The following AP3S2 variants were observed in gnomAD, a reference collection of about 807,000 sequenced individuals.
The protein encoded by AP3S2 is adaptor related protein complex 3 subunit sigma 2.
Under a neutral mutation model 23.4 loss-of-function variants are expected in AP3S2, and 22 were observed. The ratio of observed to expected loss-of-function variants is 0.94; its 90% confidence interval spans 0.67 to 1.34. The LOEUF (loss-of-function observed/expected upper bound fraction) is 1.34, where lower values mean the gene tolerates loss of function less well. AP3S2 is among the 40% of genes most tolerant of loss of function. The pLI is 0.00. For missense variants in AP3S2, 241 were observed against 236.9 expected, an observed-to-expected ratio of 1.02 and a Z score of -0.11; for synonymous variants, 86 against 87.1, an observed-to-expected ratio of 0.99 and a Z score of 0.07.
intron 4 of AP3S2, among the ~76,000 whole-genome samples, chr15:89,851,955 A>T (rs955349836): frequency 2.6e-5 from 4 of 152,180 alleles, no homozygotes; most frequent in African/African-American, 9.7e-5. Context: ...TTTGAATTTC[A>T]TCCTTCCTTG....
chr15:89,863,144 TA>T (rs1218006927), intron 4 of AP3S2, among the ~76,000 whole-genome samples: 1 of 151,582 alleles, frequency 6.6e-6, no homozygotes, highest in African/African-American at 2.4e-5. Context: ...ACAGAAACAA[TA>T]AAAAAGGTGA....
chr15:89,890,247 A>G (rs926034621), intron 1 of AP3S2, among the ~76,000 whole-genome samples: 1 of 151,976 alleles, frequency 6.6e-6, no homozygotes, highest in African/African-American at 2.4e-5. Flanking sequence ...ATGGGGTTTC[A>G]CCATGTTGGT....
chr15:89,881,620 TG>T (rs35244504), intron 3 of AP3S2, among the ~76,000 whole-genome samples: 35,238 of 151,980 alleles, frequency 0.23, 4,587 homozygotes, highest in South Asian at 0.33. Flanking sequence ...ACTGGACAAG[TG>T]GTTCAATTAT....
rs375634160 is a variant in AP3S2, at chr15:89,889,351, A to T, written c.70-211T>A. 11 of 562,512 alleles carry T rather than the reference A, an allele frequency of 2.0e-5. 1 individual carries two copies. The highest frequency in any genetic ancestry group is 1.3e-4 in the African/African-American group (7 of 53,124). 34.8% of individuals were successfully genotyped at this position (562,512 alleles called of 1,614,324 possible). The stretch of plus-strand genomic sequence containing the variant: ...TCTGATACAGGAATTAAGATAGGGT[A>T]TATTTACCTAAATATCTAAGTCACT... On this transcript the variant is annotated intron_variant, in intron 1 of 5. Coordinates refer to ENST00000336418, the MANE Select transcript of AP3S2 (RefSeq NM_005829.5).
rs529657704 is a variant in AP3S2, at chr15:89,846,672, G to A, written c.346-8950C>T. Among the ~76,000 whole-genome samples, 179 of 151,850 alleles carry A rather than the reference G, an allele frequency of 1.2e-3. No homozygotes were observed. In the Middle Eastern group the frequency reaches 0.014, roughly 12 times the overall value. On this transcript the variant is annotated intron_variant, in intron 4 of 5. Coordinates refer to ENST00000336418, the MANE Select transcript of AP3S2 (RefSeq NM_005829.5). ...CTCCCGAGTAGCTGGGACTACAGGCGTGTGCCACCACACCCAGCTAATTTT... is the reference window on the plus strand; with the variant it reads ...CTCCCGAGTAGCTGGGACTACAGGCATGTGCCACCACACCCAGCTAATTTT...
At chr15:89,889,012 T>C (rs1309845979) in intron 2 of AP3S2, 37 bp downstream of exon 2, 7 of 1,612,630 alleles carry the variant, frequency 4.3e-6, no homozygotes, top group African/African-American at 1.3e-5. Context: ...CACTCACAAG[T>C]GGATATATGG....
In AP3S2 at chr15:89,832,950, CATT is replaced by C. The variant is rs1400473038; in HGVS notation, c.*2562_*2564del. On this transcript the variant is annotated 3_prime_UTR_variant, in exon 6 of 6. Transcript: ENST00000336418. ...AAAAAAGTGGGCTTCAGTTTTATGTCATTGTAAGAGGCCATGTGAGGGATGTTT... is the reference window on the plus strand; with the variant it reads ...AAAAAAGTGGGCTTCAGTTTTATGTCGTAAGAGGCCATGTGAGGGATGTTT... 4 of 152,110 alleles carry C rather than the reference CATT, an allele frequency of 2.6e-5. No individual in the cohort carries two copies. The highest frequency in any genetic ancestry group is 9.7e-5 in the African/African-American group (4 of 41,406). The allele number at this position is 152,110 out of a possible 1,614,324, so 9.4% of individuals were successfully genotyped here.
At position 89,867,697 on chromosome 15, in the gene AP3S2, G is replaced by A. The variant is rs1394559931; in HGVS notation, c.345+3778C>T. Among the ~76,000 whole-genome samples the A allele has an allele frequency of 1.3e-3, 176 of 137,434 alleles. 1 individual carries two copies. The highest frequency in any genetic ancestry group is 2.3e-3 in the Non-Finnish European group (144 of 63,020). 90.2% of individuals were successfully genotyped at this position (137,434 alleles called of 152,430 possible). Reference sequence around the variant, plus strand: ...TGGGTTGTGAGGAGCGCCTCTGCCCGGCCGAGACCCCGTCTGGGAGGTAAG... The same window carrying A: ...TGGGTTGTGAGGAGCGCCTCTGCCCAGCCGAGACCCCGTCTGGGAGGTAAG... On this transcript the variant is annotated intron_variant, in intron 4 of 5. Coordinates refer to ENST00000336418, the MANE Select transcript of AP3S2 (RefSeq NM_005829.5).
chr15:89,835,363 A>T lies in AP3S2; in HGVS notation c.*152T>A. 7.4e-7 allele frequency: 1 copy of T among 1,357,198 alleles called. No homozygotes were observed. Among genetic ancestry groups the T allele is most frequent in the South Asian group, 1.4e-5 (1 of 70,126 alleles). 84.1% of individuals were successfully genotyped at this position (1,357,198 alleles called of 1,614,324 possible). Reference sequence around the variant, plus strand: ...CAGTGTCAATAGGAATCCCTTCCCTATTCCATGCCAAACAGTCTTCCCCAG... The same window carrying T: ...CAGTGTCAATAGGAATCCCTTCCCTTTTCCATGCCAAACAGTCTTCCCCAG... On this transcript the variant is annotated 3_prime_UTR_variant, in exon 6 of 6. Coordinates refer to ENST00000336418, the MANE Select transcript of AP3S2 (RefSeq NM_005829.5).
intron 3 of AP3S2, among the ~76,000 whole-genome samples, chr15:89,879,734 T>C (rs889515098): frequency 6.6e-5 from 10 of 152,010 alleles, no homozygotes; most frequent in African/African-American, 2.4e-4. Flanking sequence ...GCCTCCTCAG[T>C]AGCTGGGACT....
chr15:89,861,231 T>C (rs1431612826), intron 4 of AP3S2, among the ~76,000 whole-genome samples: 1 of 152,148 alleles, frequency 6.6e-6, no homozygotes, highest in Non-Finnish European at 1.5e-5. Context: ...TACTATGAGG[T>C]TTTCTTGGGT....
intron 3 of AP3S2, among the ~76,000 whole-genome samples, chr15:89,885,016 G>A (rs949408126): frequency 6.6e-6 from 1 of 152,028 alleles, no homozygotes; most frequent in Non-Finnish European, 1.5e-5. Context: ...TTAGGTAGTA[G>A]GATTCCTTGT....
rs976532495 is a variant in AP3S2 at position 89,835,897 on chromosome 15, G to A, written c.454-254C>T. Among the ~76,000 whole-genome samples, 4 of 151,946 alleles carry A rather than the reference G, an allele frequency of 2.6e-5. No individual in the cohort carries two copies. The South Asian group carries it at 8.3e-4, about 32-fold the overall frequency. On this transcript the variant is annotated intron_variant, in intron 5 of 5. Transcript: ENST00000336418. The stretch of plus-strand genomic sequence containing the variant: ...ACAAAAATTGGCCAGGAGTGGTGGC[G>A]GGCCCCTGTAGTCCCAGCTACTAGG...
chr15:89,844,269 T>TTCTTTCTTTCTTTC (rs1307399243), intron 4 of AP3S2, among the ~76,000 whole-genome samples: 1 of 12,104 alleles, frequency 8.3e-5, no homozygotes, highest in African/African-American at 2.8e-4. Context: ...CTTTCTTTCT[T>TTCTTTCTTTCTTTC]TCTCTCTCTC....
chr15:89,874,453 T>A (rs1294437962), intron 3 of AP3S2, among the ~76,000 whole-genome samples: 1 of 152,150 alleles, frequency 6.6e-6, no homozygotes, highest in South Asian at 2.1e-4. Context: ...GTATCAAAAT[T>A]CATTGTAAAG....
At position 89,858,428 on chromosome 15, in the gene AP3S2, C is replaced by T. The variant is rs140931592; in HGVS notation, c.345+13047G>A. On this transcript the variant is annotated intron_variant, in intron 4 of 5. Coordinates refer to ENST00000336418, the MANE Select transcript of AP3S2 (RefSeq NM_005829.5). ...TGCACTCCAACCTGGGCAACAAGAG[C>T]GAAACTCCATCTCAAAAAAAGAAAG... Among the ~76,000 whole-genome samples, 795 of 136,270 alleles carry T rather than the reference C, an allele frequency of 5.8e-3. 6 individuals carry two copies. The highest frequency in any genetic ancestry group is 0.021 in the African/African-American group (760 of 36,298). 89.4% of individuals were successfully genotyped at this position (136,270 alleles called of 152,430 possible).
At chr15:89,873,592 T>C (rs1896371462) in intron 3 of AP3S2, among the ~76,000 whole-genome samples, 1 of 152,148 alleles carries the variant, frequency 6.6e-6, no homozygotes, top group African/African-American at 2.4e-5. Flanking sequence ...GCCTCTGTCT[T>C]ATTTTCTCAT....
intron 3 of AP3S2, chr15:89,883,885 C>T (rs1896631467): frequency 6.6e-6 from 1 of 152,148 alleles, no homozygotes; most frequent in Admixed American, 6.5e-5. Flanking sequence ...CAAAACACTG[C>T]AAAATCCAAA....
chr15:89,884,415 A>T (rs1419789549), intron 3 of AP3S2, among the ~76,000 whole-genome samples: 2 of 151,314 alleles, frequency 1.3e-5, no homozygotes, highest in Admixed American at 6.6e-5. Flanking sequence ...TTTGTAGATT[A>T]AAAAAAAACC....
Sources: gnomAD v4.1 joint callset for allele counts (sites outside exome capture counted in the v4.1 genomes callset) on GRCh38, gnomAD v4.1.1 for gene constraint, MANE v1.5 for transcripts, NCBI Gene and HGNC (gene_info 2026-07-23, HGNC 2026-07-21) for gene names.